CRISPLD1: variants seen among roughly 807,000 people sequenced by gnomAD.
CRISPLD1 encodes cysteine rich secretory protein LCCL domain containing 1, also known as cysteine-rich secretory protein LCCL domain-containing 1.
In CRISPLD1, 60 loss-of-function variants were observed where a neutral mutation model predicts 77.5. The observed-to-expected ratio is 0.77, with a 90% CI of 0.63 to 0.96. CRISPLD1 has a LOEUF of 0.96. Ranked by LOEUF, CRISPLD1 falls within the 40% of genes least tolerant of loss-of-function variation. The pLI is 0.00. For missense variants in CRISPLD1, 623 were observed against 615.8 expected (o/e 1.01, Z -0.12); for synonymous variants, 195 against 200.1 (o/e 0.97, Z 0.22).
At chr8:75,014,674 C>G in intron 5 of CRISPLD1, 138 bp from the exon 6 acceptor site, 3 of 531,688 alleles carry the variant, frequency 5.6e-6, no homozygotes, top group Non-Finnish European at 9.6e-6. Context: ...CAGAAGGGCT[C>G]TATAATAAAT....
At position 75,012,885 on chromosome 8, in the gene CRISPLD1, A is replaced by G. The variant is rs1282132325; in HGVS notation, c.378-5A>G. On this transcript the variant is annotated splice_region_variant and splice_polypyrimidine_tract_variant and intron_variant, in intron 3 of 14. Coordinates refer to ENST00000262207, the MANE Select transcript of CRISPLD1 (RefSeq NM_031461.6). ...TGCCCTCTGTGACTATTTTCTTTCT[A>G]ATAGATATAGGCCCCCGACGTTTCA... is the stretch of plus-strand genomic sequence containing the variant. 1.2e-6 allele frequency: 2 copies of G among 1,603,750 alleles called. No homozygotes were observed. Among genetic ancestry groups the G allele is most frequent in the Non-Finnish European group, 1.7e-6 (2 of 1,174,772 alleles).
At chr8:74,988,989 C>T (rs1262677691) in intron 2 of CRISPLD1, among the ~76,000 whole-genome samples, 1 of 152,124 alleles carries the variant, frequency 6.6e-6, no homozygotes, top group Non-Finnish European at 1.5e-5. Context: ...CAGAGGAGCA[C>T]AGAACAAATG....
intron 6 of CRISPLD1, among the ~76,000 whole-genome samples, chr8:75,015,602 G>T (rs1039218661): frequency 3.3e-5 from 5 of 152,130 alleles, no homozygotes; most frequent in Non-Finnish European, 7.4e-5. Context: ...ACTAAAAGAG[G>T]AATAATGTAG....
chr8:75,025,602 G>A lies in CRISPLD1; in HGVS notation c.1301G>A (p.Gly434Glu), dbSNP rs145055877. ...AATCCACATTATGCTCGTGTAATTG[G>A]AACTCGAGTTTATTCTGATGTAAGT... is the stretch of plus-strand genomic sequence containing the variant. ...QANPHYARVI[G>E]TRVYSDLSSI... The change falls in exon 13 of 15, where the codon GGA becomes GAA. Residue 434 changes from glycine (G) to glutamate (E), a missense_variant. Coordinates refer to ENST00000262207, the MANE Select transcript of CRISPLD1 (RefSeq NM_031461.6). 1.8e-5 allele frequency: 28 copies of A among 1,581,284 alleles called. 1 individual carries two copies. Among genetic ancestry groups the A allele is most frequent in the South Asian group, 1.0e-4 (9 of 89,504 alleles).
chr8:75,021,221 T>C (rs1813129937), intron 12 of CRISPLD1, among the ~76,000 whole-genome samples: 1 of 152,226 alleles, frequency 6.6e-6, no homozygotes, highest in Non-Finnish European at 1.5e-5. Flanking sequence ...AAGAATGGGA[T>C]TGGCTGTTCA....
chr8:74,998,095 G>T (rs904149817), intron 2 of CRISPLD1, among the ~76,000 whole-genome samples: 1 of 152,148 alleles, frequency 6.6e-6, no homozygotes, highest in Non-Finnish European at 1.5e-5. Context: ...CATAGGAGAA[G>T]AAAATATAAC....
intron 2 of CRISPLD1, among the ~76,000 whole-genome samples, chr8:74,994,595 C>T (rs534907437): frequency 6.6e-6 from 1 of 152,170 alleles, no homozygotes; most frequent in Non-Finnish European, 1.5e-5. Context: ...CTCCTCCCTT[C>T]CTGGGATAGA....
In CRISPLD1 at chr8:75,019,913, G is replaced by T; in HGVS notation, c.1171G>T (p.Val391Phe). The T allele has an allele frequency of 6.2e-7, 1 of 1,612,798 alleles. No homozygotes were observed. The highest frequency in any genetic ancestry group is 2.2e-5 in the East Asian group (1 of 44,858). Residue 391 changes from valine (V) to phenylalanine (F), a missense_variant and splice_region_variant, in exon 11 of 15, where the codon GTT becomes TTT. Transcript: ENST00000262207. ...ANSFTVSKVT[V>F]QAVTCETTVE... is the part of the protein sequence containing the mutation. The stretch of plus-strand genomic sequence containing the variant: ...TTCCTTCACAGTCTCTAAAGTAACA[G>T]GTTAGCACATTCTTCATCTTATTTT...
intron 2 of CRISPLD1, among the ~76,000 whole-genome samples, chr8:75,009,207 G>A (rs1812886833): frequency 6.6e-6 from 1 of 152,018 alleles, no homozygotes; most frequent in Admixed American, 6.6e-5. Flanking sequence ...CAGGTCACAT[G>A]CCTCGGCTGG....
At chr8:75,030,357 A>T (rs2128789500) in intron 14 of CRISPLD1, among the ~76,000 whole-genome samples, 1 of 152,204 alleles carries the variant, frequency 6.6e-6, no homozygotes, top group African/African-American at 2.4e-5. Flanking sequence ...CTATATCAAG[A>T]GGTAAGTGTT....
At chr8:74,990,999 T>G (rs986638428) in intron 2 of CRISPLD1, among the ~76,000 whole-genome samples, 2 of 151,870 alleles carry the variant, frequency 1.3e-5, no homozygotes, top group African/African-American at 4.8e-5. Flanking sequence ...CAATCCTATT[T>G]TTTTTTTTTT....
intron 2 of CRISPLD1, among the ~76,000 whole-genome samples, chr8:74,990,856 A>G (rs950763003): frequency 2.0e-5 from 3 of 152,014 alleles, no homozygotes; most frequent in Non-Finnish European, 2.9e-5. Flanking sequence ...ACAAACATCA[A>G]TACACCATTA....
At chr8:75,016,541 T>C (rs758274150) in intron 6 of CRISPLD1, 24 bp from the exon 7 acceptor site, 7 of 1,594,420 alleles carry the variant, frequency 4.4e-6, no homozygotes, top group Non-Finnish European at 6.0e-6. Context: ...GGTTAATATT[T>C]CCTAAATCTG....
chr8:75,002,429 T>C (rs1376299783), intron 2 of CRISPLD1, among the ~76,000 whole-genome samples: 1 of 149,480 alleles, frequency 6.7e-6, no homozygotes, highest in African/African-American at 2.5e-5. Context: ...GAAAGATTTA[T>C]ATTTTCAAAT....
intron 2 of CRISPLD1, among the ~76,000 whole-genome samples, chr8:75,009,011 T>A (rs1812882974): frequency 6.6e-6 from 1 of 152,138 alleles, no homozygotes; most frequent in Admixed American, 6.6e-5. Context: ...CTAAAAAGGA[T>A]CCATTTTCAA....
intron 2 of CRISPLD1, chr8:75,000,253 A>T (rs1812717046): frequency 1.0e-6 from 1 of 985,200 alleles, no homozygotes; most frequent in African/African-American, 1.7e-5. Flanking sequence ...TGAAATAGTG[A>T]ATGAATGAGA....
rs1813363626 is a variant in CRISPLD1, at chr8:75,032,271, GAC to G, written c.*30_*31del. Reference sequence around the variant, plus strand: ...TGAATACTTGGAAGAGGACCATAAAGACTATTCCAAATGCAATATTTCTGAAT... The same window carrying G: ...TGAATACTTGGAAGAGGACCATAAAGTATTCCAAATGCAATATTTCTGAAT... On this transcript the variant is annotated 3_prime_UTR_variant, in exon 15 of 15. Transcript: ENST00000262207. The G allele has an allele frequency of 6.5e-7, 1 of 1,537,090 alleles. No individual in the cohort carries two copies. Among genetic ancestry groups the G allele is most frequent in the African/African-American group, 1.4e-5 (1 of 72,760 alleles).
At chr8:75,030,956 G>A (rs938177293) in intron 14 of CRISPLD1, among the ~76,000 whole-genome samples, 2 of 151,710 alleles carry the variant, frequency 1.3e-5, no homozygotes, top group African/African-American at 4.8e-5. Flanking sequence ...AGACTCTGAG[G>A]GGTTAAATGA....
chr8:75,020,011 G>T lies in CRISPLD1; in HGVS notation c.1176G>T (p.Gln392His), dbSNP rs1813103932. The change falls in exon 12 of 15, where the codon CAG (glutamine) becomes CAT (histidine). Residue 392 changes from glutamine (Q) to histidine (H), a missense_variant. Gln to His is a conservative substitution (Grantham distance 24). Coordinates refer to ENST00000262207, the MANE Select transcript of CRISPLD1 (RefSeq NM_031461.6). ...NSFTVSKVTV[Q>H]AVTCETTVEQ... ...TTTTGTGTTTTAATTCTTCAGTTCA[G>T]GCTGTGACTTGTGAAACAACTGTGG... The T allele has an allele frequency of 6.2e-7, 1 of 1,614,080 alleles. No homozygotes were observed. Among genetic ancestry groups the T allele is most frequent in the Non-Finnish European group, 8.5e-7 (1 of 1,179,972 alleles).
Sources: allele counts gnomAD v4.1 joint callset (sites outside exome capture counted in the v4.1 genomes callset), GRCh38; gene constraint gnomAD v4.1.1; transcripts MANE v1.5; gene names NCBI Gene and HGNC (gene_info 2026-07-23, HGNC 2026-07-21).